LINGO2: variants seen among roughly 807,000 people sequenced by gnomAD.
LINGO2 encodes leucine rich repeat and Ig domain containing 2.
Under a neutral mutation model 30.6 loss-of-function variants are expected in LINGO2, and 14 were observed. The observed-to-expected ratio is 0.46, with a 90% confidence interval of 0.30 to 0.72. The LOEUF (loss-of-function observed/expected upper bound fraction) is 0.72. Ranked by LOEUF, LINGO2 falls within the 30% of genes least tolerant of loss-of-function variation. LINGO2 has a pLI of 0.07. For synonymous variants in LINGO2, 317 were observed against 288.5 expected, an observed-to-expected ratio of 1.10 and a Z score of -1.00; for missense variants, 729 against 751.7, an observed-to-expected ratio of 0.97 and a Z score of 0.35.
At chr9:28,708,921 A>G in the LINGO2 span, among the ~76,000 whole-genome samples, 1 of 152,120 alleles carries the variant, frequency 6.6e-6, no homozygotes, top group African/African-American at 2.4e-5. Context: ...TTTCTTGTTC[A>G]GATGCAACCA....
the LINGO2 span, among the ~76,000 whole-genome samples, chr9:29,092,980 A>T: frequency 7.6e-6 from 1 of 131,198 alleles, no homozygotes; most frequent in African/African-American, 2.9e-5. Context: ...TTTACAAAAA[A>T]ATCAAAATCC....
chr9:28,022,513 C>G (rs765839009), intron 4 of LINGO2, among the ~76,000 whole-genome samples: 1 of 152,056 alleles, frequency 6.6e-6, no homozygotes, highest in South Asian at 2.1e-4. Flanking sequence ...AATCCCTCAG[C>G]TTTTGCTGGT....
the LINGO2 span, among the ~76,000 whole-genome samples, chr9:28,876,821 G>C: frequency 6.6e-6 from 1 of 151,998 alleles, no homozygotes; most frequent in Non-Finnish European, 1.5e-5. Context: ...CTGAGGAATC[G>C]CCACACTGAC....
At chr9:27,965,633 G>A (rs1009628734) in intron 5 of LINGO2, among the ~76,000 whole-genome samples, 1 of 151,972 alleles carries the variant, frequency 6.6e-6, no homozygotes, top group African/African-American at 2.4e-5. Context: ...AAACTGGAGA[G>A]CCCTCTGTTC....
At chr9:28,682,385 C>T in the LINGO2 span, among the ~76,000 whole-genome samples, 2 of 152,122 alleles carry the variant, frequency 1.3e-5, no homozygotes, top group Non-Finnish European at 2.9e-5. Context: ...CCTTAAATTT[C>T]ACTTCTTGCA....
chr9:28,639,897 T>A (rs1302493064), intron 1 of LINGO2, among the ~76,000 whole-genome samples: 2 of 152,204 alleles, frequency 1.3e-5, no homozygotes, highest in Non-Finnish European at 2.9e-5. Context: ...CGTTAGTTGA[T>A]GCAGTTTCTT....
intron 4 of LINGO2, among the ~76,000 whole-genome samples, chr9:28,082,172 A>G (rs562439997): frequency 2.0e-5 from 3 of 152,214 alleles, no homozygotes; most frequent in Admixed American, 2.0e-4. Context: ...AAGCCCATCA[A>G]AGGCAAAACA....
intron 4 of LINGO2, among the ~76,000 whole-genome samples, chr9:28,217,599 A>G (rs898422826): frequency 6.6e-6 from 1 of 151,930 alleles, no homozygotes; most frequent in Non-Finnish European, 1.5e-5. Context: ...TGTTTTCTTC[A>G]TATTTTTCTT....
intron 2 of LINGO2, among the ~76,000 whole-genome samples, chr9:28,421,473 G>T (rs1823193883): frequency 7.0e-6 from 1 of 143,610 alleles, no homozygotes; most frequent in Non-Finnish European, 1.5e-5. Flanking sequence ...ACAACAAATA[G>T]CCAAAAACGT....
the LINGO2 span, among the ~76,000 whole-genome samples, chr9:29,140,870 T>G: frequency 6.6e-6 from 1 of 152,060 alleles, no homozygotes; most frequent in Middle Eastern, 3.4e-3. Flanking sequence ...AGTAAAATGA[T>G]ACATTCAAAG....
chr9:28,154,536 G>C (rs1041085936), intron 4 of LINGO2, among the ~76,000 whole-genome samples: 1 of 152,108 alleles, frequency 6.6e-6, no homozygotes, highest in African/African-American at 2.4e-5. Context: ...GAGGAAATGA[G>C]GGTTTATTCA....
At chr9:29,165,794 C>T in the LINGO2 span, among the ~76,000 whole-genome samples, 1 of 151,994 alleles carries the variant, frequency 6.6e-6, no homozygotes, top group Non-Finnish European at 1.5e-5. Flanking sequence ...AATGAAAAAT[C>T]GTGCAAAGGA....
At chr9:28,468,117 A>G (rs559873176) in intron 2 of LINGO2, among the ~76,000 whole-genome samples, 187 of 152,332 alleles carry the variant, frequency 1.2e-3, no homozygotes, top group Admixed American at 6.5e-3. Flanking sequence ...TTAATAGTAT[A>G]TCTGATAGTC....
chr9:28,570,198 T>C (rs1368434757), intron 1 of LINGO2, among the ~76,000 whole-genome samples: 1 of 151,948 alleles, frequency 6.6e-6, no homozygotes, highest in Non-Finnish European at 1.5e-5. Flanking sequence ...TACAATGTCA[T>C]ATAATAATTG....
intron 4 of LINGO2, among the ~76,000 whole-genome samples, chr9:28,179,905 C>T (rs1290899661): frequency 6.6e-6 from 1 of 151,748 alleles, no homozygotes; most frequent in East Asian, 1.9e-4. Flanking sequence ...ATTAGAGAAA[C>T]AAAATAGTCA....
chr9:28,952,101 C>G, the LINGO2 span, among the ~76,000 whole-genome samples: 1 of 152,026 alleles, frequency 6.6e-6, no homozygotes, highest in Non-Finnish European at 1.5e-5. Flanking sequence ...CATCCATCCA[C>G]ACACTTACGG....
chr9:29,026,628 T>C, the LINGO2 span, among the ~76,000 whole-genome samples: 1 of 152,240 alleles, frequency 6.6e-6, no homozygotes, highest in Admixed American at 6.5e-5. Context: ...GAAGAAAATA[T>C]CCAAAAATAT....
At chr9:28,409,283 A>G (rs992657732) in intron 2 of LINGO2, among the ~76,000 whole-genome samples, 24 of 152,104 alleles carry the variant, frequency 1.6e-4, no homozygotes, top group Non-Finnish European at 2.9e-4. Flanking sequence ...GAGTTCAGCC[A>G]TCTCATCTTT....
chr9:28,541,872 T>G (rs994117404), intron 1 of LINGO2, among the ~76,000 whole-genome samples: 1 of 152,092 alleles, frequency 6.6e-6, no homozygotes, highest in African/African-American at 2.4e-5. Flanking sequence ...TGAAGTAAGA[T>G]ATATTGGAAA....
Sources: allele counts gnomAD v4.1 joint callset (sites outside exome capture counted in the v4.1 genomes callset), GRCh38; gene constraint gnomAD v4.1.1; transcripts MANE v1.5; gene names NCBI Gene and HGNC (gene_info 2026-07-23, HGNC 2026-07-21).